The following DTNA variants were observed in gnomAD, a reference collection of about 807,000 sequenced individuals.
The protein encoded by DTNA is dystrophin-related protein 3.
In DTNA, 43 loss-of-function variants were observed where a neutral mutation model predicts 100.7. The ratio of observed to expected loss-of-function variants is 0.43; its 90% CI spans 0.33 to 0.55. DTNA has a LOEUF of 0.55. DTNA is among the 20% of genes least tolerant of loss of function. The pLI is 0.04. For synonymous variants in DTNA, 349 were observed against 347.9 expected, an observed-to-expected ratio of 1.00 and a Z score of -0.04; for missense variants, 798 against 953.9, an observed-to-expected ratio of 0.84 and a Z score of 2.15.
intron 17 of DTNA, chr18:34,868,702 A>C: frequency 1.0e-6 from 1 of 985,340 alleles, no homozygotes; most frequent in Non-Finnish European, 1.2e-6. Context: ...GAGGTAATGC[A>C]TGAATTTATC....
chr18:34,805,518 T>G (rs2149242624), intron 4 of DTNA, among the ~76,000 whole-genome samples: 1 of 152,254 alleles, frequency 6.6e-6, no homozygotes, highest in South Asian at 2.1e-4. Flanking sequence ...AGAGACAGGA[T>G]ATCACCATGT....
At chr18:34,586,105 G>GAAACA (rs2049107380) in intron 1 of DTNA, among the ~76,000 whole-genome samples, 1 of 152,166 alleles carries the variant, frequency 6.6e-6, no homozygotes. Flanking sequence ...TTATGTTTCA[G>GAAACA]TGAACTATTT....
At chr18:34,860,625 C>G (rs540795343) in intron 16 of DTNA, among the ~76,000 whole-genome samples, 11 of 152,290 alleles carry the variant, frequency 7.2e-5, no homozygotes, top group Non-Finnish European at 1.2e-4. Context: ...ACTTTAACAC[C>G]TGAGCACGGC....
At chr18:34,673,018 C>A (rs1370917004) in intron 1 of DTNA, among the ~76,000 whole-genome samples, 1 of 152,094 alleles carries the variant, frequency 6.6e-6, no homozygotes, top group African/African-American at 2.4e-5. Context: ...TTCTTCTTGT[C>A]TCTTGATCTA....
At chr18:34,613,430 T>C (rs2054614048) in intron 1 of DTNA, among the ~76,000 whole-genome samples, 3 of 152,300 alleles carry the variant, frequency 2.0e-5, no homozygotes, top group South Asian at 4.1e-4. Context: ...AAGAAACACA[T>C]GTTGAAAGCC....
chr18:34,577,583 C>T (rs8085009), intron 1 of DTNA, among the ~76,000 whole-genome samples: 1 of 152,168 alleles, frequency 6.6e-6, no homozygotes, highest in Admixed American at 6.5e-5. Context: ...ATCCCTCACC[C>T]TCTTTCCACC....
intron 1 of DTNA, among the ~76,000 whole-genome samples, chr18:34,560,906 AG>A (rs2046575231): frequency 6.6e-6 from 1 of 152,188 alleles, no homozygotes; most frequent in African/African-American, 2.4e-5. Flanking sequence ...TGGGTGACAG[AG>A]GGAGACCCTG....
intron 1 of DTNA, among the ~76,000 whole-genome samples, chr18:34,607,666 T>C (rs1011396660): frequency 1.8e-4 from 27 of 152,204 alleles, no homozygotes; most frequent in African/African-American, 6.3e-4. Context: ...CCAGCACTTA[T>C]AACACAGAGA....
intron 1 of DTNA, among the ~76,000 whole-genome samples, chr18:34,615,236 A>G (rs1029859268): frequency 4.6e-5 from 7 of 151,840 alleles, no homozygotes; most frequent in African/African-American, 7.3e-5. Flanking sequence ...AAGGTGCCAC[A>G]CTCTTTTAAA....
At chr18:34,553,484 G>A (rs969806094) in intron 1 of DTNA, among the ~76,000 whole-genome samples, 17 of 151,678 alleles carry the variant, frequency 1.1e-4, no homozygotes, top group African/African-American at 3.9e-4. Flanking sequence ...TAATGCCTAG[G>A]TTTTCTTCTA....
chr18:34,865,964 G>T, intron 17 of DTNA: 1 of 855,474 alleles, frequency 1.2e-6, no homozygotes, highest in Middle Eastern at 2.2e-4. Context: ...AAGTAGACTT[G>T]GAGTGATAGT....
intron 3 of DTNA, among the ~76,000 whole-genome samples, chr18:34,788,798 G>C (rs1467954515): frequency 5.5e-4 from 84 of 152,090 alleles, no homozygotes; most frequent in Non-Finnish European, 8.8e-5. Flanking sequence ...TCAAGATTAT[G>C]GGTTGATTAA....
chr18:34,601,156 G>T (rs1189207824), intron 1 of DTNA, among the ~76,000 whole-genome samples: 1 of 152,232 alleles, frequency 6.6e-6, no homozygotes, highest in Admixed American at 6.5e-5. Flanking sequence ...AGCAGCAGAG[G>T]TACTGCTCCT....
intron 1 of DTNA, among the ~76,000 whole-genome samples, chr18:34,637,144 G>T (rs532815860): frequency 7.9e-5 from 12 of 152,320 alleles, no homozygotes; most frequent in Admixed American, 4.6e-4. Context: ...ATTGTTCCAA[G>T]AGAAAGGAAA....
At chr18:34,869,636 A>G (rs2096743694) in intron 17 of DTNA, among the ~76,000 whole-genome samples, 1 of 152,242 alleles carries the variant, frequency 6.6e-6, no homozygotes, top group Non-Finnish European at 1.5e-5. Flanking sequence ...TATGAGTGCA[A>G]TGAAACATCT....
chr18:34,585,600 A>G (rs1388883096), intron 1 of DTNA, among the ~76,000 whole-genome samples: 1 of 152,162 alleles, frequency 6.6e-6, no homozygotes, highest in Non-Finnish European at 1.5e-5. Flanking sequence ...GAGGCAGGAA[A>G]GAAGAAAGAG....
intron 22 of DTNA, among the ~76,000 whole-genome samples, chr18:34,887,311 A>G (rs1274235315): frequency 2.6e-5 from 4 of 152,172 alleles, no homozygotes; most frequent in East Asian, 3.9e-4. Flanking sequence ...TAGGTATTCA[A>G]TTTGTCCCTG....
At chr18:34,639,308 C>T (rs574968545) in intron 1 of DTNA, among the ~76,000 whole-genome samples, 1 of 152,340 alleles carries the variant, frequency 6.6e-6, no homozygotes, top group South Asian at 2.1e-4. Context: ...AATAGCATCA[C>T]CCTGTCTCCA....
At chr18:34,747,568 C>T (rs1486483806) in intron 1 of DTNA, among the ~76,000 whole-genome samples, 2 of 152,086 alleles carry the variant, frequency 1.3e-5, no homozygotes, top group South Asian at 2.1e-4. Flanking sequence ...AGCTTAGCTC[C>T]CACTTAGAAG....
Sources: allele counts gnomAD v4.1 joint callset (sites outside exome capture counted in the v4.1 genomes callset), GRCh38; gene constraint gnomAD v4.1.1; transcripts MANE v1.5; gene names NCBI Gene and HGNC (gene_info 2026-07-23, HGNC 2026-07-21).